Variants in ZNF724 observed in about 807,000 individuals in gnomAD.
ZNF724 encodes the protein zinc finger protein 724.
Under a neutral mutation model 29.3 loss-of-function variants are expected in ZNF724, and 14 were observed. The observed-to-expected ratio is 0.48, with a 90% confidence interval of 0.32 to 0.75. ZNF724 has a LOEUF of 0.75. Ranked by LOEUF, ZNF724 falls within the 30% of genes least tolerant of loss-of-function variation. The pLI is 0.04. For missense variants in ZNF724, 557 were observed against 571.2 expected (o/e 0.98, Z 0.25); for synonymous variants, 180 against 193.6 (o/e 0.93, Z 0.58).
Position 23,231,316 on chromosome 19 carries a change from C to T in ZNF724, c.176G>A (p.Gly59Asp). The T allele has an allele frequency of 2.2e-6, 3 of 1,392,888 alleles. No homozygotes were observed. Among genetic ancestry groups the T allele is most frequent in the South Asian group, 1.2e-5 (1 of 85,620 alleles). The allele number at this position is 1,392,888 out of a possible 1,614,324, so 86.3% of individuals were successfully genotyped here. The change falls in exon 3 of 4, where the codon GGC becomes GAC. Residue 59 changes from glycine (G) to aspartate (D), a missense_variant. Coordinates refer to ENST00000418100, the MANE Select transcript of ZNF724 (RefSeq NM_001355404.2). ...KPDLITCLEQ[G>D]KEPWNMERHE... ...TCTCTCCATATTCCAGGGCTCTTTG[C>T]CTTGCTCCAGACAGGTGATCAGGTC...
chr19:23,235,644 G>A (rs148113134), intron 1 of ZNF724, among the ~76,000 whole-genome samples: 1 of 152,258 alleles, frequency 6.6e-6, no homozygotes, highest in East Asian at 1.9e-4. Context: ...GGGCCAGACC[G>A]AAATAAGAAG....
At chr19:23,248,457 G>A (rs1191422095) in intron 1 of ZNF724, among the ~76,000 whole-genome samples, 2 of 152,008 alleles carry the variant, frequency 1.3e-5, no homozygotes, top group African/African-American at 2.4e-5. Flanking sequence ...TGGAACACAC[G>A]TAAAAAATGC....
chr19:23,240,459 G>A (rs1046862976), intron 1 of ZNF724, among the ~76,000 whole-genome samples: 1 of 151,892 alleles, frequency 6.6e-6, no homozygotes, highest in African/African-American at 2.4e-5. Context: ...ATTATTGGAC[G>A]ACATTATTCT....
chr19:23,226,346 C>G (rs1238958486), intron 3 of ZNF724, among the ~76,000 whole-genome samples: 1 of 151,884 alleles, frequency 6.6e-6, no homozygotes, highest in Non-Finnish European at 1.5e-5. Context: ...CCACCACGCC[C>G]AGCCCGAGAG....
chr19:23,223,615 G>A lies in ZNF724; in HGVS notation c.630C>T (p.Ser210=), dbSNP rs73559552. The A allele has an allele frequency of 8.8e-3, 6,310 of 715,096 alleles. 245 individuals are homozygous for A. The African/African-American group carries it at 0.095, about 11-fold the overall frequency. The allele number at this position is 715,096 out of a possible 1,614,324, so 44.3% of individuals were successfully genotyped here. ...TTCTCTTATGTTGAGAAAGGGTTGA[G>A]GACACATTAAAGGCCTTGCCACATT... The part of the protein sequence containing the change: ...LEECGKAFNV[S]STLSQHKRIH... Residue 210 remains serine (S), a synonymous_variant, in exon 4 of 4, where the codon TCC becomes TCT. Coordinates refer to ENST00000418100, the MANE Select transcript of ZNF724 (RefSeq NM_001355404.2).
chr19:23,240,445 C>T (rs1034258896), intron 1 of ZNF724, among the ~76,000 whole-genome samples: 4 of 151,738 alleles, frequency 2.6e-5, no homozygotes, highest in African/African-American at 4.8e-5. Context: ...CAGTTTTAAA[C>T]AAAATTATTG....
At chr19:23,239,889 G>A (rs1972089075) in intron 1 of ZNF724, among the ~76,000 whole-genome samples, 1 of 147,424 alleles carries the variant, frequency 6.8e-6, no homozygotes, top group African/African-American at 2.7e-5. Context: ...CTGAACTGAA[G>A]GAGATTTAGA....
rs369518085 is a variant in ZNF724, at chr19:23,224,029, T to G, written c.227-11A>C. 14 of 630,910 alleles carry G rather than the reference T, an allele frequency of 2.2e-5. No individual in the cohort carries two copies. Among genetic ancestry groups the G allele is most frequent in the South Asian group, 1.2e-4 (6 of 51,150 alleles). 39.1% of individuals were successfully genotyped at this position (630,910 alleles called of 1,614,324 possible). ...AATAACAACACATACCTGAAAGAAA[T>G]AAAAATAACAACTTACTCCACATAC... On this transcript the variant is annotated splice_polypyrimidine_tract_variant and intron_variant, in intron 3 of 3. Transcript: ENST00000418100.
rs944828301 is a variant in ZNF724 at position 23,223,582 on chromosome 19, T to C, written c.663A>G (p.Thr221=). The part of the protein sequence containing the change: ...STLSQHKRIH[T]GQKHYKCEEC... ...CTTCACATTTGTAGTGTTTTTGTCC[T>C]GTATGAATTCTCTTATGTTGAGAAA... Residue 221 remains threonine (T), a synonymous_variant, in exon 4 of 4, where the codon ACA becomes ACG. Transcript: ENST00000418100. The C allele has an allele frequency of 2.8e-6, 2 of 719,362 alleles. No individual in the cohort carries two copies. Among genetic ancestry groups the C allele is most frequent in the Non-Finnish European group, 5.2e-6 (2 of 388,200 alleles). 44.6% of individuals were successfully genotyped at this position (719,362 alleles called of 1,614,324 possible).
intron 1 of ZNF724, among the ~76,000 whole-genome samples, chr19:23,235,995 A>C (rs1349029299): frequency 6.6e-6 from 1 of 152,208 alleles, no homozygotes; most frequent in Non-Finnish European, 1.5e-5. Context: ...CATGTAATAC[A>C]TGGTTCATCC....
chr19:23,222,804 C>G lies in ZNF724; in HGVS notation c.1441G>C (p.Glu481Gln). The change falls in exon 4 of 4, where the codon GAA becomes CAA. Residue 481 changes from glutamate (E) to glutamine (Q), a missense_variant. This residue lies in a region of ZNF724 where 170 missense variants were observed against 220.7 expected (regional missense o/e 0.77). Transcript: ENST00000418100. Reference sequence around the variant, plus strand: ...AGGTTAAAAGCTTTGCCACATTCTTCACATTTGTAGGGTTTCTCTCCAGTA... The same window carrying G: ...AGGTTAAAAGCTTTGCCACATTCTTGACATTTGTAGGGTTTCTCTCCAGTA... ...IHTGEKPYKC[E>Q]ECGKAFNLSS... 1 of 1,415,498 alleles carries G rather than the reference C, an allele frequency of 7.1e-7. No homozygotes were observed. The highest frequency in any genetic ancestry group is 1.7e-5 in the Admixed American group (1 of 57,458). 87.7% of individuals were successfully genotyped at this position (1,415,498 alleles called of 1,614,324 possible).
chr19:23,240,712 C>A, intron 1 of ZNF724, among the ~76,000 whole-genome samples: 1 of 132,682 alleles, frequency 7.5e-6, no homozygotes, highest in Admixed American at 8.6e-5. Flanking sequence ...AGAGTGGATT[C>A]CACCTAAAAA....
chr19:23,235,403 TGACTTGTG>T (rs1972008268), intron 1 of ZNF724, among the ~76,000 whole-genome samples: 1 of 152,232 alleles, frequency 6.6e-6, no homozygotes, highest in African/African-American at 2.4e-5. Flanking sequence ...TACTTGTTTG[TGACTTGTG>T]GAGCAACTAC....
chr19:23,226,815 T>C (rs560717029), intron 3 of ZNF724, among the ~76,000 whole-genome samples: 31 of 152,294 alleles, frequency 2.0e-4, no homozygotes, highest in African/African-American at 5.8e-4. Flanking sequence ...GATAGACATA[T>C]AGCTCATTTA....
chr19:23,245,289 TAC>T (rs1420717726), intron 1 of ZNF724, among the ~76,000 whole-genome samples: 1 of 152,174 alleles, frequency 6.6e-6, no homozygotes, highest in Non-Finnish European at 1.5e-5. Flanking sequence ...TAAGCCAACA[TAC>T]AACCCCATTA....
chr19:23,231,846 G>A (rs1971938675), intron 2 of ZNF724, among the ~76,000 whole-genome samples: 1 of 151,894 alleles, frequency 6.6e-6, no homozygotes, highest in South Asian at 2.1e-4. Context: ...TGATTCTCCT[G>A]CCTCAGCCTC....
chr19:23,224,938 G>C (rs970564079), intron 3 of ZNF724, among the ~76,000 whole-genome samples: 2 of 151,186 alleles, frequency 1.3e-5, no homozygotes, highest in Admixed American at 1.3e-4. Flanking sequence ...CTGGGCAACA[G>C]AGCAAGACTC....
Position 23,239,151 on chromosome 19 carries a change from A to C in ZNF724, c.4-6858T>G, listed in dbSNP as rs542390435. On this transcript the variant is annotated intron_variant, in intron 1 of 3. Transcript: ENST00000418100. ...TGGGAGACTACAACACCCCACAGAC[A>C]CTATTACATCATTGAAGCAAAAAAA... Among the ~76,000 whole-genome samples, 8 of 152,330 alleles carry C rather than the reference A, an allele frequency of 5.3e-5. No individual in the cohort carries two copies. In the South Asian group the frequency reaches 1.7e-3, roughly 32 times the overall value.
chr19:23,242,253 T>C (rs1183339293), intron 1 of ZNF724, among the ~76,000 whole-genome samples: 1 of 152,156 alleles, frequency 6.6e-6, no homozygotes, highest in Admixed American at 6.6e-5. Context: ...AACTATTTGA[T>C]GGTCATGGAC....
Sources: gnomAD v4.1 joint callset for allele counts (sites outside exome capture counted in the v4.1 genomes callset) on GRCh38, gnomAD v4.1.1 for gene constraint, gnomAD v4.1.1 regional missense constraint, MANE v1.5 for transcripts, NCBI Gene and HGNC (gene_info 2026-07-23, HGNC 2026-07-21) for gene names.